ZNF649: variants seen among roughly 807,000 people sequenced by gnomAD.
ZNF649 encodes the protein zinc finger protein 649.
In ZNF649, 7 loss-of-function variants were observed where a neutral mutation model predicts 14.1. The observed-to-expected ratio is 0.49, with a 90% CI of 0.28 to 0.93. The LOEUF (loss-of-function observed/expected upper bound fraction) is 0.93. Ranked by LOEUF, ZNF649 falls within the 40% of genes least tolerant of loss-of-function variation. The pLI is 0.10. For missense variants in ZNF649, 544 were observed against 608.1 expected (o/e 0.89, Z 1.11); for synonymous variants, 227 against 212.3 (o/e 1.07, Z -0.60).
At chr19:51,897,681 C>T (rs888620679) in intron 2 of ZNF649, among the ~76,000 whole-genome samples, 4 of 152,118 alleles carry the variant, frequency 2.6e-5, no homozygotes, top group African/African-American at 7.2e-5. Flanking sequence ...CGCATGCAGA[C>T]ATAGATGTCC....
rs2085018363 is a variant in ZNF649, at chr19:51,891,051, A to G, written c.1085T>C (p.Val362Ala). Reference sequence around the variant, plus strand: ...TCCTGTATGATATCTCTGATGTGCTACAAGGCAAGACTTCTGGCTGAAGGC... The same window carrying G: ...TCCTGTATGATATCTCTGATGTGCTGCAAGGCAAGACTTCTGGCTGAAGGC... ...GKAFSQKSCL[V>A]AHQRYHTGKT... Residue 362 changes from valine to alanine, a missense_variant, in exon 5 of 5, where the codon GTA becomes GCA. Coordinates refer to ENST00000354957, the MANE Select transcript of ZNF649 (RefSeq NM_023074.4). The surrounding 1 kb of genome is among the most constrained non-coding windows in gnomAD (Gnocchi z 4.2). 6.2e-7 allele frequency: 1 copy of G among 1,614,108 alleles called. No individual in the cohort carries two copies. Among genetic ancestry groups the G allele is most frequent in the Non-Finnish European group, 8.5e-7 (1 of 1,180,038 alleles).
At chr19:51,901,960 A>C (rs951738985) in intron 1 of ZNF649, among the ~76,000 whole-genome samples, 2 of 151,612 alleles carry the variant, frequency 1.3e-5, no homozygotes, top group Non-Finnish European at 2.9e-5. Context: ...CAAAAAAAAA[A>C]AAAAAAAAAA....
At chr19:51,898,095 CAA>C (rs34792714) in intron 2 of ZNF649, among the ~76,000 whole-genome samples, 11 of 84,350 alleles carry the variant, frequency 1.3e-4, no homozygotes, top group East Asian at 3.3e-4. Flanking sequence ...AAGACTGTCT[CAA>C]AAAAAAAAAA....
At chr19:51,904,245 C>A (rs1476278134) in intron 1 of ZNF649, 1 of 152,280 alleles carries the variant, frequency 6.6e-6, no homozygotes, top group East Asian at 1.9e-4. Context: ...CAAGGAAACT[C>A]CTGTAAATTT....
intron 1 of ZNF649, chr19:51,904,001 T>G (rs1490454423): frequency 6.6e-6 from 1 of 152,340 alleles, no homozygotes; most frequent in African/African-American, 2.4e-5. Context: ...AATAGCTGAG[T>G]GGTGGCCAGT....
chr19:51,891,540 A>T lies in ZNF649; in HGVS notation c.596T>A (p.Ile199Asn). 1 of 1,614,078 alleles carries T rather than the reference A, an allele frequency of 6.2e-7. No individual in the cohort carries two copies. The highest frequency in any genetic ancestry group is 8.5e-7 in the Non-Finnish European group (1 of 1,180,016). The part of the protein sequence containing the change: ...KKSQLTEHKR[I>N]HTGKKPHVCS... ...CACGTGGGGTTTCTTTCCTGTATGA[A>T]TTCTCTTATGCTCAGTGAGCTGAGA... Residue 199 changes from isoleucine to asparagine, a missense_variant, in exon 5 of 5, where the codon ATT (isoleucine) becomes AAT (asparagine). Transcript: ENST00000354957. This position sits in a 1 kb window ranked among gnomAD's most constrained non-coding sequence, Gnocchi z 4.2.
At chr19:51,898,856 T>C (rs2085079445) in intron 2 of ZNF649, among the ~76,000 whole-genome samples, 1 of 151,940 alleles carries the variant, frequency 6.6e-6, no homozygotes, top group Non-Finnish European at 1.5e-5. Flanking sequence ...GAGGATGCAG[T>C]GAGCCGAGGT....
chr19:51,899,335 A>T (rs2085082313), intron 2 of ZNF649, among the ~76,000 whole-genome samples: 2 of 152,244 alleles, frequency 1.3e-5, no homozygotes, highest in Non-Finnish European at 2.9e-5. Flanking sequence ...ATTCTAAAGC[A>T]AACCCTGTGG....
chr19:51,891,211 G>T lies in ZNF649; in HGVS notation c.925C>A (p.Gln309Lys). 6.2e-7 allele frequency: 1 copy of T among 1,614,222 alleles called. No individual in the cohort carries two copies. The highest frequency in any genetic ancestry group is 1.1e-5 in the South Asian group (1 of 91,086). Residue 309 changes from glutamine to lysine, a missense_variant, in exon 5 of 5, where the codon CAG becomes AAG. Coordinates refer to ENST00000354957, the MANE Select transcript of ZNF649 (RefSeq NM_023074.4). This position sits in a 1 kb window ranked among gnomAD's most constrained non-coding sequence, Gnocchi z 4.2. ...FSRKSLLVVHQRTHTGEKPHT... is the reference protein window; with the variant it reads ...FSRKSLLVVHKRTHTGEKPHT... ...GGCTTCTCTCCTGTATGAGTTCGCTGATGTACAACGAGTAGTGATTTTCTG... is the reference window on the plus strand; with the variant it reads ...GGCTTCTCTCCTGTATGAGTTCGCTTATGTACAACGAGTAGTGATTTTCTG...
In ZNF649 at chr19:51,895,402, G is replaced by A. The variant is rs555342410; in HGVS notation, c.238+1070C>T. Among the ~76,000 whole-genome samples, 13 of 152,080 alleles carry A rather than the reference G, an allele frequency of 8.5e-5. No individual in the cohort carries two copies. The South Asian group carries it at 2.7e-3, about 32-fold the overall frequency. The stretch of plus-strand genomic sequence containing the variant: ...TCTGTCACCCAGGCTGGAGTGAAAT[G>A]GCGCGATCTCAGCTCACTGCAACCT... On this transcript the variant is annotated intron_variant, in intron 4 of 4. Transcript: ENST00000354957.
chr19:51,891,839 C>G lies in ZNF649; in HGVS notation c.297G>C (p.Lys99Asn). Reference protein sequence around the residue: ...QQPLQNQKILKRTGQRYEHGR... With the variant: ...QQPLQNQKILNRTGQRYEHGR... ...CGTGTTCATAGCGTTGTCCCGTCCT[C>G]TTCAGTATTTTTTGGTTTTGCAAGG... The change falls in exon 5 of 5, where the codon AAG (lysine) becomes AAC (asparagine). Residue 99 changes from lysine to asparagine, a missense_variant. Lys to Asn is a moderately conservative substitution (Grantham distance 94). Coordinates refer to ENST00000354957, the MANE Select transcript of ZNF649 (RefSeq NM_023074.4). The surrounding 1 kb of genome is among the most constrained non-coding windows in gnomAD (Gnocchi z 4.2). 1 of 1,586,678 alleles carries G rather than the reference C, an allele frequency of 6.3e-7. No homozygotes were observed. The highest frequency in any genetic ancestry group is 1.4e-5 in the African/African-American group (1 of 72,966).
chr19:51,899,945 G>T, intron 2 of ZNF649, 148 bp downstream of exon 2: 1 of 566,808 alleles, frequency 1.8e-6, no homozygotes, highest in Non-Finnish European at 2.9e-6. Context: ...ATCCCACTTT[G>T]TCCTGGATTA....
chr19:51,896,452 G>T lies in ZNF649; in HGVS notation c.238+20C>A. The T allele has an allele frequency of 6.2e-7, 1 of 1,608,066 alleles. No individual in the cohort carries two copies. The highest frequency in any genetic ancestry group is 8.5e-7 in the Non-Finnish European group (1 of 1,174,590). ...GTGACTTCCGCTGCCTTCCCCTCTT[G>T]CTGGTTCTCTCTCACTTACCTGGGT... On this transcript the variant is annotated intron_variant, in intron 4 of 4. Coordinates refer to ENST00000354957, the MANE Select transcript of ZNF649 (RefSeq NM_023074.4).
intron 2 of ZNF649, among the ~76,000 whole-genome samples, chr19:51,898,085 A>G (rs112058055): frequency 0.02 from 2,932 of 147,096 alleles, 105 homozygotes; most frequent in African/African-American, 0.071. Context: ...GCAACAAAGT[A>G]AGACTGTCTC....
chr19:51,902,270 A>G (rs530467314), intron 1 of ZNF649, among the ~76,000 whole-genome samples: 1 of 152,362 alleles, frequency 6.6e-6, no homozygotes, highest in East Asian at 1.9e-4. Context: ...ACAGCATCCT[A>G]TAATTTAATT....
chr19:51,892,021 A>G, intron 4 of ZNF649, 124 bp from the exon 5 acceptor site: 1 of 1,125,842 alleles, frequency 8.9e-7, no homozygotes, highest in South Asian at 2.0e-5. Flanking sequence ...AGGAATTCCA[A>G]GTATAAGTGT....
chr19:51,904,733 C>T (rs550697073), intron 1 of ZNF649, among the ~76,000 whole-genome samples, 181 bp downstream of exon 1: 1 of 152,204 alleles, frequency 6.6e-6, no homozygotes, highest in African/African-American at 2.4e-5. Context: ...ACTCTGACGC[C>T]GAGTCTCAGT....
intron 1 of ZNF649, among the ~76,000 whole-genome samples, chr19:51,902,557 A>G (rs2085100833): frequency 6.6e-6 from 1 of 152,234 alleles, no homozygotes; most frequent in Non-Finnish European, 1.5e-5. Flanking sequence ...GCCAGCGCTT[A>G]TTTCATTTTA....
At chr19:51,901,297 T>C (rs956003772) in intron 1 of ZNF649, among the ~76,000 whole-genome samples, 2 of 152,174 alleles carry the variant, frequency 1.3e-5, no homozygotes, top group African/African-American at 4.8e-5. Flanking sequence ...GCCACTCTTA[T>C]TAGGAAATAG....
Sources: allele counts gnomAD v4.1 joint callset (sites outside exome capture counted in the v4.1 genomes callset), GRCh38; gene constraint gnomAD v4.1.1; non-coding constraint Gnocchi (gnomAD v3.1); transcripts MANE v1.5; gene names NCBI Gene and HGNC (gene_info 2026-07-23, HGNC 2026-07-21).